Variants in RAB11FIP1 observed in about 807,000 individuals in gnomAD.
The protein encoded by RAB11FIP1 is rab11 family-interacting protein 1.
A neutral mutation model predicts 83.1 loss-of-function variants in RAB11FIP1; 49 were observed. The observed-to-expected ratio is 0.59, with a 90% CI of 0.47 to 0.75. The LOEUF is 0.75. RAB11FIP1 is among the 30% of genes least tolerant of loss of function. The pLI, the probability that RAB11FIP1 is intolerant of heterozygous loss-of-function variation, is 0.00. For missense variants in RAB11FIP1, 1,536 were observed against 1,598.7 expected, an observed-to-expected ratio of 0.96 and a Z score of 0.67; for synonymous variants, 670 against 656.0, an observed-to-expected ratio of 1.02 and a Z score of -0.33.
chr8:37,871,898 A>G lies in RAB11FIP1; in HGVS notation c.2904T>C (p.Asp968=). The change falls in exon 4 of 6, where the codon GAT becomes GAC. Residue 968 remains aspartate (D), a synonymous_variant. Transcript: ENST00000330843. ...SLPSIPEVAS[D]DERIDQVEDD... is the part of the protein sequence containing the mutation. The stretch of plus-strand genomic sequence containing the variant: ...CTTCAACCTGATCTATTCTTTCATC[A>G]TCCGATGCGACTTCAGGAATGGAAG... 6.2e-7 allele frequency: 1 copy of G among 1,614,156 alleles called. No individual in the cohort carries two copies. The highest frequency in any genetic ancestry group is 8.5e-7 in the Non-Finnish European group (1 of 1,180,022).
Position 37,895,516 on chromosome 8 carries a change from G to A in RAB11FIP1, c.371+3555C>T, listed in dbSNP as rs574325443. On this transcript the variant is annotated intron_variant, in intron 1 of 5. Transcript: ENST00000330843. ...ACCCGATTCTACCTGTTAGATTCATGTCTGTTTTGCAGTCACAGTACTTAG... is the reference window on the plus strand; with the variant it reads ...ACCCGATTCTACCTGTTAGATTCATATCTGTTTTGCAGTCACAGTACTTAG... Among the ~76,000 whole-genome samples, 4 of 151,050 alleles carry A rather than the reference G, an allele frequency of 2.6e-5. No individual in the cohort carries two copies. The South Asian group carries it at 8.4e-4, about 32-fold the overall frequency.
Position 37,892,990 on chromosome 8 carries a change from C to T in RAB11FIP1, c.371+6081G>A, listed in dbSNP as rs113810728. Among the ~76,000 whole-genome samples the T allele has an allele frequency of 5.2e-3, 790 of 152,246 alleles. 3 individuals carry two copies. The highest frequency in any genetic ancestry group is 9.4e-3 in the Non-Finnish European group (637 of 68,010). On this transcript the variant is annotated intron_variant, in intron 1 of 5. Transcript: ENST00000330843. ...ATCTCCTTCTTTAAATCATGTCCTT[C>T]CTGCCCTTTTCTTCTATAATATCCT...
At chr8:37,870,794 T>G in intron 4 of RAB11FIP1, 1 of 394,380 alleles carries the variant, frequency 2.5e-6, no homozygotes, top group East Asian at 4.2e-5. Context: ...GTTACAAACA[T>G]CAGAACATTA....
In RAB11FIP1 at chr8:37,899,214, C is replaced by T. The variant is rs751205342; in HGVS notation, c.228G>A (p.Ser76=). 5 of 1,580,300 alleles carry T rather than the reference C, an allele frequency of 3.2e-6. No individual in the cohort carries two copies. In the South Asian group the frequency reaches 3.4e-5, roughly 11 times the overall value. ...CGGCCGCGGGTCCGGAGGACAGCAG[C>T]GATGGCAGCTCGAAGGTGGCCTCCT... The part of the protein sequence containing the change: ...WREEATFELP[S]LLSSGPAAAA... The change falls in exon 1 of 6, where the codon TCG becomes TCA. Residue 76 remains serine, a synonymous_variant. Transcript: ENST00000330843. The surrounding 1 kb of genome is among the most constrained non-coding windows in gnomAD (Gnocchi z 4.5).
At position 37,877,089 on chromosome 8, in the gene RAB11FIP1, A is replaced by G; in HGVS notation, c.814+20T>C. The G allele has an allele frequency of 1.3e-6, 2 of 1,568,646 alleles. No homozygotes were observed. The highest frequency in any genetic ancestry group is 1.8e-6 in the Non-Finnish European group (2 of 1,142,464). ...GTAAGAGGAAGAAGAGAGGTCAAGC[A>G]GGAAGAGGCAGAAACTCACCATCCG... On this transcript the variant is annotated intron_variant, in intron 2 of 5. Coordinates refer to ENST00000330843, the MANE Select transcript of RAB11FIP1 (RefSeq NM_001002814.3).
At chr8:37,866,334 CAA>C (rs112800499) in intron 5 of RAB11FIP1, among the ~76,000 whole-genome samples, 2 of 119,384 alleles carry the variant, frequency 1.7e-5, no homozygotes, top group Non-Finnish European at 1.8e-5. Context: ...GACCCCATCT[CAA>C]AAAAAAAAAA....
chr8:37,888,598 C>T (rs1454113424), intron 1 of RAB11FIP1, among the ~76,000 whole-genome samples: 1 of 151,874 alleles, frequency 6.6e-6, no homozygotes, highest in African/African-American at 2.4e-5. Flanking sequence ...CCCACCTTAG[C>T]CTACAAAGTA....
rs1405658354 is a variant in RAB11FIP1, at chr8:37,877,282, T to C, written c.641A>G (p.Lys214Arg). 8 of 1,614,200 alleles carry C rather than the reference T, an allele frequency of 5.0e-6. No homozygotes were observed. Among genetic ancestry groups the C allele is most frequent in the East Asian group, 2.2e-5 (1 of 44,882 alleles). Residue 214 changes from lysine (K) to arginine (R), a missense_variant, in exon 2 of 6, where the codon AAA (lysine) becomes AGA (arginine). Coordinates refer to ENST00000330843, the MANE Select transcript of RAB11FIP1 (RefSeq NM_001002814.3). ...DESVVKDKKK[K>R]SKIKTLLSKS... The stretch of plus-strand genomic sequence containing the variant: ...GGAAAGTAAGGTCTTGATCTTTGAT[T>C]TCTTTTTCTTGTCTTTAACCACAGA...
At chr8:37,869,252 G>A (rs1806400220) in intron 5 of RAB11FIP1, among the ~76,000 whole-genome samples, 1 of 148,856 alleles carries the variant, frequency 6.7e-6, no homozygotes, top group Non-Finnish European at 1.5e-5. Flanking sequence ...AAAAATTCCT[G>A]ATTTTGATGA....
intron 5 of RAB11FIP1, among the ~76,000 whole-genome samples, chr8:37,864,325 T>A (rs555817506): frequency 3.3e-5 from 5 of 152,316 alleles, no homozygotes; most frequent in African/African-American, 1.2e-4. Flanking sequence ...AAAAGTCACA[T>A]GCTGTGTAAG....
At position 37,862,703 on chromosome 8, in the gene RAB11FIP1, A is replaced by G. The variant is rs1806262182; in HGVS notation, c.*192T>C. 8 of 565,600 alleles carry G rather than the reference A, an allele frequency of 1.4e-5. No homozygotes were observed. The South Asian group carries it at 1.7e-4, about 12-fold the overall frequency. The allele number at this position is 565,600 out of a possible 1,614,324, so 35.0% of individuals were successfully genotyped here. A position where few individuals can be genotyped will look rare whatever the true frequency, so the allele number is the denominator to read the frequency against. ...TGGCATTTAAAACTAAAGCCTTGGG[A>G]ATGTACAGTAAAAGATTAATTGTAA... is the stretch of plus-strand genomic sequence containing the variant. On this transcript the variant is annotated 3_prime_UTR_variant, in exon 6 of 6. Transcript: ENST00000330843.
chr8:37,886,922 A>G lies in RAB11FIP1; in HGVS notation c.372-9371T>C, dbSNP rs145249005. Among the ~76,000 whole-genome samples, 936 of 152,330 alleles carry G rather than the reference A, an allele frequency of 6.1e-3. 13 individuals are homozygous for G. Among genetic ancestry groups the G allele is most frequent in the African/African-American group, 0.021 (864 of 41,564 alleles). ...TTCTGGTCACCTAGAAGCCATGCAC[A>G]GCAGACAGACAGAAATGTTTATGAC... On this transcript the variant is annotated intron_variant, in intron 1 of 5. Transcript: ENST00000330843.
chr8:37,889,649 A>G (rs546423799), intron 1 of RAB11FIP1, among the ~76,000 whole-genome samples: 1 of 152,344 alleles, frequency 6.6e-6, no homozygotes, highest in East Asian at 1.9e-4. Flanking sequence ...CATGACTGAC[A>G]TCAGAGAACA....
intron 1 of RAB11FIP1, among the ~76,000 whole-genome samples, chr8:37,891,836 G>A (rs1806953219): frequency 6.6e-6 from 1 of 152,090 alleles, no homozygotes; most frequent in Non-Finnish European, 1.5e-5. Context: ...TTCATCTGCT[G>A]TGTGACAGCA....
chr8:37,870,564 G>T, intron 4 of RAB11FIP1, 36 bp from the exon 5 acceptor site: 4 of 1,194,700 alleles, frequency 3.3e-6, no homozygotes, highest in South Asian at 2.6e-5. Flanking sequence ...TAGACCCTCC[G>T]GTCATGGCAA....
At position 37,859,905 on chromosome 8, in the gene RAB11FIP1, C is replaced by G. The variant is rs1254102319; in HGVS notation, c.*2990G>C. The G allele has an allele frequency of 1.3e-5, 2 of 152,494 alleles. No individual in the cohort carries two copies. Among genetic ancestry groups the G allele is most frequent in the East Asian group, 3.8e-4 (2 of 5,198 alleles). 9.4% of individuals were successfully genotyped at this position (152,494 alleles called of 1,614,324 possible). ...CCTAATGGCTCAGAACAGGCTAAAG[C>G]TTCTCCCAGATAACCCCTCCCCCAA... is the stretch of plus-strand genomic sequence containing the variant. On this transcript the variant is annotated 3_prime_UTR_variant, in exon 6 of 6. Coordinates refer to ENST00000330843, the MANE Select transcript of RAB11FIP1 (RefSeq NM_001002814.3).
intron 1 of RAB11FIP1, among the ~76,000 whole-genome samples, chr8:37,898,481 C>G (rs141293736): frequency 5.3e-5 from 8 of 152,134 alleles, no homozygotes; most frequent in African/African-American, 1.9e-4. Context: ...GATGAAACCC[C>G]GTCTCTACTA....
rs137855682 is a variant in RAB11FIP1 at position 37,873,051 on chromosome 8, G to A, written c.1751C>T (p.Ala584Val). ...ASVPSELGHG[A>V]DTQSSESPSV... ...AGGACTCTCAGAGGACTGTGTGTCT[G>A]CACCATGTCCCAATTCAGAGGGGAC... Residue 584 changes from alanine (A) to valine (V), a missense_variant, in exon 4 of 6, where the codon GCA becomes GTA. Transcript: ENST00000330843. 2.4e-4 allele frequency: 385 copies of A among 1,614,018 alleles called. No homozygotes were observed. The highest frequency in any genetic ancestry group is 3.1e-4 in the Non-Finnish European group (360 of 1,180,024).
intron 5 of RAB11FIP1, among the ~76,000 whole-genome samples, chr8:37,870,122 C>T (rs989832032): frequency 6.6e-6 from 1 of 151,792 alleles, no homozygotes; most frequent in African/African-American, 2.4e-5. Context: ...CATAGCAAGA[C>T]CCCATCTCTA....
Sources: gnomAD v4.1 joint callset for allele counts (sites outside exome capture counted in the v4.1 genomes callset) on GRCh38, gnomAD v4.1.1 for gene constraint, Gnocchi (gnomAD v3.1) non-coding constraint, MANE v1.5 for transcripts, NCBI Gene and HGNC (gene_info 2026-07-23, HGNC 2026-07-21) for gene names.